Variants in ZNF341 observed in about 807,000 individuals in gnomAD.
The protein encoded by ZNF341 is zinc finger protein 341.
Under a neutral mutation model 87.7 loss-of-function variants are expected in ZNF341, and 52 were observed. That is an observed-to-expected ratio of 0.59 (90% CI 0.47 to 0.75). The LOEUF (loss-of-function observed/expected upper bound fraction) is 0.75, where lower values mean the gene tolerates loss of function less well. Among genes scored for constraint, ZNF341 ranks in the 30% least tolerant of loss-of-function variants. The pLI, the probability that ZNF341 is intolerant of heterozygous loss-of-function variation, is 0.00. For synonymous variants in ZNF341, 459 were observed against 472.7 expected (o/e 0.97, Z 0.38); for missense variants, 977 against 1,145.9 (o/e 0.85, Z 2.13).
chr20:33,768,916 C>T (rs1006728888), intron 9 of ZNF341, among the ~76,000 whole-genome samples: 1 of 152,088 alleles, frequency 6.6e-6, no homozygotes, highest in Non-Finnish European at 1.5e-5. Flanking sequence ...TTTTACTTAA[C>T]TCATTAGTGA....
At chr20:33,757,105 C>T (rs1021574821) in intron 5 of ZNF341, 43 bp from the exon 6 acceptor site, 5 of 1,370,710 alleles carry the variant, frequency 3.6e-6, no homozygotes, top group Middle Eastern at 2.1e-4. Flanking sequence ...AGCTCTTCCC[C>T]TTCCCTGGCA....
chr20:33,755,960 C>T (rs188406102), intron 5 of ZNF341, among the ~76,000 whole-genome samples: 2 of 152,126 alleles, frequency 1.3e-5, no homozygotes, highest in East Asian at 2.0e-4. Flanking sequence ...CAGGGGCTCA[C>T]GCCTGTAATC....
intron 2 of ZNF341, among the ~76,000 whole-genome samples, chr20:33,743,657 AAAAT>A (rs1384362651): frequency 1.3e-5 from 2 of 152,208 alleles, no homozygotes; most frequent in Admixed American, 6.5e-5. Context: ...GTCTCTTAAA[AAAAT>A]AAATAAATAA....
At chr20:33,783,610 C>T in intron 11 of ZNF341, 122 bp from the exon 12 acceptor site, 2 of 1,400,250 alleles carry the variant, frequency 1.4e-6, no homozygotes, top group Non-Finnish European at 2.0e-6. Context: ...GGTCCTGGCC[C>T]CTGATAGCCA....
At chr20:33,782,501 G>T in intron 11 of ZNF341, among the ~76,000 whole-genome samples, 1 of 152,156 alleles carries the variant, frequency 6.6e-6, no homozygotes, top group African/African-American at 2.4e-5. Context: ...TTTCATTTTG[G>T]CCTCATTCTG....
At chr20:33,738,766 A>G (rs2018744588) in intron 1 of ZNF341, among the ~76,000 whole-genome samples, 1 of 152,042 alleles carries the variant, frequency 6.6e-6, no homozygotes, top group Admixed American at 6.6e-5. Context: ...GCAGGAGGGC[A>G]CTCTGGAGAG....
intron 4 of ZNF341, 150 bp downstream of exon 4, chr20:33,749,222 T>C: frequency 3.5e-6 from 4 of 1,156,906 alleles, no homozygotes; most frequent in Non-Finnish European, 4.7e-6. Context: ...CCAGCTCTGC[T>C]ATAGATGGGG....
rs987933133 is a variant in ZNF341 at position 33,747,381 on chromosome 20, C to T, written c.340-1542C>T. On this transcript the variant is annotated intron_variant, in intron 3 of 14. Transcript: ENST00000375200. ...CTGTAATCCCAGCACTTTGGGAGGCCGAGGCGGGCGGATCACGAGGTCAGG... is the reference window on the plus strand; with the variant it reads ...CTGTAATCCCAGCACTTTGGGAGGCTGAGGCGGGCGGATCACGAGGTCAGG... Among the ~76,000 whole-genome samples, 4 of 148,710 alleles carry T rather than the reference C, an allele frequency of 2.7e-5. 1 individual carries two copies. The highest frequency in any genetic ancestry group is 1.0e-4 in the African/African-American group (4 of 38,456).
Position 33,791,774 on chromosome 20 carries a change from A to G in ZNF341, c.*257A>G. 2.2e-6 allele frequency: 1 copy of G among 448,860 alleles called. No homozygotes were observed. Among genetic ancestry groups the G allele is most frequent in the Non-Finnish European group, 3.9e-6 (1 of 253,902 alleles). The allele number at this position is 448,860 out of a possible 1,614,324, so 27.8% of individuals were successfully genotyped here. On this transcript the variant is annotated 3_prime_UTR_variant, in exon 15 of 15. Transcript: ENST00000375200. Reference sequence around the variant, plus strand: ...GGGCAGAGCCATGGTGGCAGGAGAGAGATGGCTGAAGCCTGAGCAGCCCAG... The same window carrying G: ...GGGCAGAGCCATGGTGGCAGGAGAGGGATGGCTGAAGCCTGAGCAGCCCAG...
In ZNF341 at chr20:33,757,311, G is replaced by C; in HGVS notation, c.905G>C (p.Arg302Pro). 1 of 1,584,630 alleles carries C rather than the reference G, an allele frequency of 6.3e-7. No homozygotes were observed. Among genetic ancestry groups the C allele is most frequent in the Non-Finnish European group, 8.6e-7 (1 of 1,166,664 alleles). Residue 302 changes from arginine to proline, a missense_variant, in exon 6 of 15, where the codon CGA becomes CCA. Physicochemically the swap from Arg to Pro is moderately radical, Grantham distance 103. Around this residue, in one of 3 missense-constraint regions of ZNF341, gnomAD observed 515 missense variants for 598.2 expected, o/e 0.86. Transcript: ENST00000375200. ...TFDSPATLKT[R>P]RAKGARGLPE... ...GACTCTCCAGCAACGCTGAAGACCC[G>C]ACGAGCTAAAGGTGCCAGGGGACTC... is the stretch of plus-strand genomic sequence containing the variant.
At chr20:33,762,319 C>CT (rs879821260) in intron 8 of ZNF341, among the ~76,000 whole-genome samples, 151 of 144,132 alleles carry the variant, frequency 1.0e-3, no homozygotes, top group Admixed American at 3.7e-3. Flanking sequence ...ACCTCAGAAT[C>CT]TTTTTTTTTT....
Position 33,770,073 on chromosome 20 carries a change from CT to C in ZNF341, c.1414-9del, listed in dbSNP as rs762245513. 2 of 1,609,820 alleles carry C rather than the reference CT, an allele frequency of 1.2e-6. No homozygotes were observed. Among genetic ancestry groups the C allele is most frequent in the Admixed American group, 3.3e-5 (2 of 59,872 alleles). On this transcript the variant is annotated splice_polypyrimidine_tract_variant and intron_variant, in intron 9 of 14. Transcript: ENST00000375200. The stretch of plus-strand genomic sequence containing the variant: ...CTGCCTCCTGTCACCTGCCCAGCGT[CT>C]TCCCTCAAGGTGTACAAGTGTGTGG...
intron 4 of ZNF341, among the ~76,000 whole-genome samples, chr20:33,750,631 AT>A (rs11344944): frequency 0.36 from 54,277 of 150,690 alleles, 11,643 homozygotes; most frequent in East Asian, 0.69. Flanking sequence ...TACTTGGCTA[AT>A]TTTAAAAAAA....
At chr20:33,745,905 T>C (rs2018908873) in intron 3 of ZNF341, among the ~76,000 whole-genome samples, 1 of 149,886 alleles carries the variant, frequency 6.7e-6, no homozygotes, top group African/African-American at 2.4e-5. Context: ...AGGAGGGTCT[T>C]GGCAGATCGT....
At chr20:33,775,500 T>C (rs1188506624) in intron 10 of ZNF341, among the ~76,000 whole-genome samples, 1 of 150,204 alleles carries the variant, frequency 6.7e-6, no homozygotes, top group African/African-American at 2.4e-5. Context: ...TGAGCCACCG[T>C]GCCCGGCCTT....
chr20:33,776,521 G>A (rs886591620), intron 10 of ZNF341, among the ~76,000 whole-genome samples: 4 of 152,030 alleles, frequency 2.6e-5, no homozygotes, highest in African/African-American at 9.7e-5. Flanking sequence ...TGAGTAGCTG[G>A]GACCACAGGT....
rs2019305364 is a variant in ZNF341 at position 33,762,008 on chromosome 20, A to G, written c.1175A>G (p.Gln392Arg). The G allele has an allele frequency of 1.3e-6, 2 of 1,598,336 alleles. No individual in the cohort carries two copies. Among genetic ancestry groups the G allele is most frequent in the African/African-American group, 2.7e-5 (2 of 74,644 alleles). The change falls in exon 8 of 15, where the codon CAG becomes CGG. Residue 392 changes from glutamine to arginine, a missense_variant. Transcript: ENST00000375200. ...GTGTCTCGAAACTCTGTGACCGTAC[A>G]GGTCATGGCCCTGAACCCCAGCAGG... ...GTVSRNSVTV[Q>R]VMALNPSRQE...
At chr20:33,755,999 G>T (rs569608240) in intron 5 of ZNF341, among the ~76,000 whole-genome samples, 1 of 152,096 alleles carries the variant, frequency 6.6e-6, no homozygotes, top group African/African-American at 2.4e-5. Context: ...GAGGTGGGTG[G>T]ATCACTTAAG....
chr20:33,733,132 C>T (rs1324112548), intron 1 of ZNF341, among the ~76,000 whole-genome samples: 3 of 152,054 alleles, frequency 2.0e-5, no homozygotes, highest in African/African-American at 4.8e-5. Flanking sequence ...CTGCAACCTC[C>T]CCCTCCCAGG....
Sources: gnomAD v4.1 joint callset for allele counts (sites outside exome capture counted in the v4.1 genomes callset) on GRCh38, gnomAD v4.1.1 for gene constraint, gnomAD v4.1.1 regional missense constraint, MANE v1.5 for transcripts, NCBI Gene and HGNC (gene_info 2026-07-23, HGNC 2026-07-21) for gene names.